The following CCDC191 variants were observed in gnomAD, a reference collection of about 807,000 sequenced individuals.
CCDC191 encodes the protein coiled-coil domain containing 191.
Under a neutral mutation model 114.0 loss-of-function variants are expected in CCDC191, and 99 were observed. The observed-to-expected ratio is 0.87, with a 90% CI of 0.74 to 1.03. CCDC191 has a LOEUF of 1.03. Among genes scored for constraint, CCDC191 ranks in the 50% least tolerant of loss-of-function variants. CCDC191 has a pLI of 0.00. For missense variants in CCDC191, 973 were observed against 1,087.0 expected, an observed-to-expected ratio of 0.90 and a Z score of 1.47; for synonymous variants, 351 against 376.0, an observed-to-expected ratio of 0.93 and a Z score of 0.77.
At chr3:114,032,559 C>G (rs1051432114) in intron 6 of CCDC191, among the ~76,000 whole-genome samples, 2 of 152,172 alleles carry the variant, frequency 1.3e-5, no homozygotes, top group East Asian at 3.8e-4. Context: ...AACTCATGAG[C>G]TCTGGCCACA....
intron 16 of CCDC191, among the ~76,000 whole-genome samples, chr3:113,974,421 G>A (rs1052314401): frequency 4.6e-5 from 7 of 151,752 alleles, no homozygotes; most frequent in African/African-American, 1.5e-4. Flanking sequence ...CCAGGTTCAA[G>A]CCATTCTCCT....
At chr3:114,043,867 G>T (rs1471151862) in intron 3 of CCDC191, among the ~76,000 whole-genome samples, 5 of 152,090 alleles carry the variant, frequency 3.3e-5, no homozygotes, top group Non-Finnish European at 5.9e-5. Flanking sequence ...CTTGCTAATG[G>T]ACTGGATATA....
intron 4 of CCDC191, among the ~76,000 whole-genome samples, chr3:114,041,561 C>T (rs2076560884): frequency 6.6e-6 from 1 of 152,164 alleles, no homozygotes; most frequent in Admixed American, 6.5e-5. Context: ...GAGGATACAT[C>T]ACTACAAGTT....
rs187651737 is a variant in CCDC191, at chr3:114,005,433, G to C, written c.1868+75C>G. 2,307 of 1,386,858 alleles carry C rather than the reference G, an allele frequency of 1.7e-3. 2 individuals are homozygous for C. Among genetic ancestry groups the C allele is most frequent in the Non-Finnish European group, 2.2e-3 (2,184 of 1,015,808 alleles). 85.9% of individuals were successfully genotyped at this position (1,386,858 alleles called of 1,614,324 possible). A position where few individuals can be genotyped will look rare whatever the true frequency, so the allele number is the denominator to read the frequency against. On this transcript the variant is annotated intron_variant, in intron 10 of 16. Coordinates refer to ENST00000295878, the MANE Select transcript of CCDC191 (RefSeq NM_020817.2). ...GAACAATCATGGGGCTCAGAAGCAG[G>C]GCAAAGAAGCTCAGGAGCCCAAAGT...
chr3:114,011,003 A>C lies in CCDC191; in HGVS notation c.1182T>G (p.Thr394=), dbSNP rs368601845. ...REENRKQQLA[T]EYNRKQVLRH... ...GGAGAACTTGTTTCCGGTTATACTC[A>C]GTGGCCAGTTGTTGTTTTCTAAGCA... The change falls in exon 9 of 17, where the codon ACT becomes ACG. Residue 394 remains threonine (T), a synonymous_variant. Coordinates refer to ENST00000295878, the MANE Select transcript of CCDC191 (RefSeq NM_020817.2). 4 of 1,612,124 alleles carry C rather than the reference A, an allele frequency of 2.5e-6. No homozygotes were observed. The highest frequency in any genetic ancestry group is 3.4e-6 in the Non-Finnish European group (4 of 1,178,832).
chr3:114,042,400 G>A (rs1167474891), intron 4 of CCDC191, among the ~76,000 whole-genome samples: 2 of 152,122 alleles, frequency 1.3e-5, no homozygotes, highest in Non-Finnish European at 2.9e-5. Flanking sequence ...GAGAGGATAC[G>A]CACAAGACTA....
intron 14 of CCDC191, among the ~76,000 whole-genome samples, chr3:113,979,248 TG>T (rs2075051440): frequency 6.6e-6 from 1 of 152,156 alleles, no homozygotes; most frequent in Admixed American, 6.5e-5. Flanking sequence ...AGTGATTTGC[TG>T]GTTATGGAAA....
At chr3:113,996,170 T>C (rs1344819977) in intron 13 of CCDC191, among the ~76,000 whole-genome samples, 1 of 152,120 alleles carries the variant, frequency 6.6e-6, no homozygotes, top group Non-Finnish European at 1.5e-5. Context: ...GCAATTGCTA[T>C]TGGTGTCTTT....
intron 4 of CCDC191, 152 bp downstream of exon 4, chr3:114,042,551 A>C (rs2076577326): frequency 1.8e-6 from 1 of 556,600 alleles, no homozygotes; most frequent in Non-Finnish European, 2.9e-6. Context: ...TAAGAAATTT[A>C]CATTTAACCA....
At chr3:113,978,093 A>T in intron 16 of CCDC191, 93 bp downstream of exon 16, 2 of 1,419,912 alleles carry the variant, frequency 1.4e-6, no homozygotes, top group Non-Finnish European at 2.0e-6. Flanking sequence ...CCTAGCCTCC[A>T]GCTCATCTCT....
intron 4 of CCDC191, chr3:114,037,078 C>A: frequency 5.6e-6 from 1 of 178,770 alleles, no homozygotes; most frequent in Non-Finnish European, 1.2e-5. Flanking sequence ...TCAATCTAAA[C>A]AATCTTGAGA....
chr3:114,050,568 T>C (rs935991160), intron 2 of CCDC191, among the ~76,000 whole-genome samples: 3 of 152,186 alleles, frequency 2.0e-5, no homozygotes, highest in African/African-American at 7.2e-5. Context: ...GGGAAGGATC[T>C]GGATTGGCCT....
intron 11 of CCDC191, 196 bp from the exon 12 acceptor site, chr3:114,002,734 C>T: frequency 1.1e-6 from 1 of 917,970 alleles, no homozygotes; most frequent in Non-Finnish European, 1.3e-6. Flanking sequence ...GACCTATTAT[C>T]CCATCCTCAG....
At position 114,021,417 on chromosome 3, in the gene CCDC191, C is replaced by T. The variant is rs911553264; in HGVS notation, c.973-2549G>A. ...GAAATTGACTTGCTATTGGTTTTTTCCCTGCCTGCTCAAAAAAACCAATCC... is the reference window on the plus strand; with the variant it reads ...GAAATTGACTTGCTATTGGTTTTTTTCCTGCCTGCTCAAAAAAACCAATCC... On this transcript the variant is annotated intron_variant, in intron 7 of 16. Transcript: ENST00000295878. Among the ~76,000 whole-genome samples the T allele has an allele frequency of 4.0e-5, 6 of 151,640 alleles. No individual in the cohort carries two copies. In the East Asian group the frequency reaches 7.7e-4, roughly 20 times the overall value.
chr3:114,007,652 G>T lies in CCDC191; in HGVS notation c.1414-1690C>A, dbSNP rs571636590. Among the ~76,000 whole-genome samples, 272 of 152,224 alleles carry T rather than the reference G, an allele frequency of 1.8e-3. 1 individual carries two copies. Among genetic ancestry groups the T allele is most frequent in the African/African-American group, 6.4e-3 (268 of 41,556 alleles). ...GGTAACTTTTTAACATGAAAATAAA[G>T]AACATGAAGGAAAAGCTTAGTGGTA... On this transcript the variant is annotated intron_variant, in intron 9 of 16. Transcript: ENST00000295878.
At chr3:113,971,022 A>G (rs556181905) in intron 16 of CCDC191, among the ~76,000 whole-genome samples, 1 of 152,222 alleles carries the variant, frequency 6.6e-6, no homozygotes, top group East Asian at 1.9e-4. Flanking sequence ...GTGCCGCAAT[A>G]AACATGTGTG....
intron 6 of CCDC191, among the ~76,000 whole-genome samples, chr3:114,034,036 T>C (rs1340116447): frequency 1.3e-5 from 2 of 152,232 alleles, no homozygotes; most frequent in Non-Finnish European, 2.9e-5. Context: ...TCAGAATAAA[T>C]ACATTAGTTA....
At chr3:114,017,011 T>C (rs2076169292) in intron 8 of CCDC191, among the ~76,000 whole-genome samples, 1 of 152,128 alleles carries the variant, frequency 6.6e-6, no homozygotes, top group African/African-American at 2.4e-5. Context: ...TGTTGGCCTC[T>C]ATTTTTTTCA....
chr3:114,031,425 C>G (rs922341199), intron 7 of CCDC191, among the ~76,000 whole-genome samples: 1 of 152,168 alleles, frequency 6.6e-6, no homozygotes, highest in African/African-American at 2.4e-5. Flanking sequence ...CCAGAGTATA[C>G]AAAGAATAGC....
Sources: allele counts gnomAD v4.1 joint callset (sites outside exome capture counted in the v4.1 genomes callset), GRCh38; gene constraint gnomAD v4.1.1; transcripts MANE v1.5; gene names NCBI Gene and HGNC (gene_info 2026-07-23, HGNC 2026-07-21).